INVS: variants seen among roughly 807,000 people sequenced by gnomAD.
The protein encoded by INVS is inversin, also known as inversion of embryo turning homolog.
A neutral mutation model predicts 108.8 loss-of-function variants in INVS; 86 were observed. The observed-to-expected ratio is 0.79, with a 90% CI of 0.66 to 0.95. INVS has a LOEUF of 0.95. Ranked by LOEUF, INVS falls within the 40% of genes least tolerant of loss-of-function variation. The probability of loss-of-function intolerance (pLI) is 0.00; values close to 1 mark genes in which losing one functional copy is unlikely to be tolerated. For synonymous variants in INVS, 455 were observed against 473.5 expected (o/e 0.96, Z 0.51); for missense variants, 1,169 against 1,297.4 (o/e 0.90, Z 1.52).
At chr9:100,124,359 A>G (rs1827819396) in intron 2 of INVS, among the ~76,000 whole-genome samples, 1 of 152,020 alleles carries the variant, frequency 6.6e-6, no homozygotes, top group South Asian at 2.1e-4. Context: ...TCACCTCTAC[A>G]TAAACTGAGA....
At chr9:100,268,915 A>G (rs1832868845) in intron 11 of INVS, among the ~76,000 whole-genome samples, 1 of 152,116 alleles carries the variant, frequency 6.6e-6, no homozygotes, top group Admixed American at 6.5e-5. Context: ...CTTTTGTAAT[A>G]TTTGTAGGTA....
At chr9:100,166,612 A>G (rs1318894258) in intron 3 of INVS, among the ~76,000 whole-genome samples, 3 of 152,176 alleles carry the variant, frequency 2.0e-5, no homozygotes, top group Non-Finnish European at 4.4e-5. Context: ...ACTAACACAC[A>G]CTGAGCACCT....
chr9:100,108,669 A>G (rs1313299397), intron 2 of INVS, among the ~76,000 whole-genome samples: 1 of 152,148 alleles, frequency 6.6e-6, no homozygotes. Context: ...TGCTCAGTGA[A>G]TTCATTCACT....
intron 3 of INVS, among the ~76,000 whole-genome samples, chr9:100,185,455 A>G (rs1830024907): frequency 6.7e-6 from 1 of 148,428 alleles, no homozygotes; most frequent in African/African-American, 2.5e-5. Flanking sequence ...TGAAGTTTTT[A>G]TAAATAGAAT....
At chr9:100,140,535 T>G (rs1374249606) in intron 3 of INVS, among the ~76,000 whole-genome samples, 1 of 152,192 alleles carries the variant, frequency 6.6e-6, no homozygotes, top group Admixed American at 6.5e-5. Flanking sequence ...CATCTGGATG[T>G]GTACGTGTAG....
chr9:100,100,580 A>T (rs1420981911), intron 1 of INVS, among the ~76,000 whole-genome samples: 8 of 100,356 alleles, frequency 8.0e-5, no homozygotes, highest in East Asian at 4.6e-4. Context: ...ATATATATAT[A>T]ATATATATAA....
Position 100,258,772 on chromosome 9 carries a change from T to G in INVS, c.1464+5636T>G, listed in dbSNP as rs537597289. Among the ~76,000 whole-genome samples, 3 of 152,314 alleles carry G rather than the reference T, an allele frequency of 2.0e-5. No individual in the cohort carries two copies. In the South Asian group the frequency reaches 6.2e-4, roughly 32 times the overall value. On this transcript the variant is annotated intron_variant, in intron 10 of 16. Transcript: ENST00000262457. ...GCAAATGTTGCCGCCTGATCCTTCC[T>G]CTGGAAGCTTCGTCTCAGAGGGGCA...
intron 14 of INVS, 100 bp from the exon 15 acceptor site, chr9:100,296,807 CTACCAGGAAT>C (rs1170419270): frequency 2.9e-5 from 25 of 856,662 alleles, no homozygotes; most frequent in Middle Eastern, 2.2e-4. Context: ...TTGAATGAAC[CTACCAGGAAT>C]TCAGCAAATA....
In INVS at chr9:100,209,769, CAAAAAAAA is replaced by C. The variant is rs58556710; in HGVS notation, c.274-16274_274-16267del. On this transcript the variant is annotated intron_variant, in intron 3 of 16. Transcript: ENST00000262457. ...TGGGCAACAGAACGAGACTCCGTCT[CAAAAAAAA>C]AAAAAAAAAAAAAAAAAATCCTTCA... 2.4e-4 allele frequency among the ~76,000 whole-genome samples: 17 copies of C among 72,302 alleles called. No homozygotes were observed. In the East Asian group the frequency reaches 6.1e-3, roughly 26 times the overall value. The allele number at this position is 72,302 out of a possible 152,430, so 47.4% of individuals were successfully genotyped here. A position where few individuals can be genotyped will look rare whatever the true frequency, so the allele number is the denominator to read the frequency against.
intron 10 of INVS, among the ~76,000 whole-genome samples, chr9:100,255,999 C>T (rs1003562135): frequency 7.9e-5 from 12 of 152,172 alleles, no homozygotes; most frequent in South Asian, 2.1e-4. Context: ...GTACCAGCTC[C>T]TCTTTGTACC....
At chr9:100,274,270 A>C (rs901684721) in intron 12 of INVS, among the ~76,000 whole-genome samples, 2 of 152,108 alleles carry the variant, frequency 1.3e-5, no homozygotes, top group Non-Finnish European at 2.9e-5. Flanking sequence ...AGGCAGGAGA[A>C]TTGTCTGAAC....
At chr9:100,172,635 G>A (rs888893961) in intron 3 of INVS, among the ~76,000 whole-genome samples, 6 of 152,152 alleles carry the variant, frequency 3.9e-5, no homozygotes, top group African/African-American at 1.2e-4. Context: ...AGCAGGAGGG[G>A]ACATTGAGCT....
Position 100,301,843 on chromosome 9 carries a change from A to T in INVS, c.*1169A>T, listed in dbSNP as rs139071557. On this transcript the variant is annotated 3_prime_UTR_variant, in exon 17 of 17. Coordinates refer to ENST00000262457, the MANE Select transcript of INVS (RefSeq NM_014425.5). ...ATTCATCGTTTTTGTGATCACAAAA[A>T]CACAAAGAAGGAGGTCTGCCTGGAT... Among the ~76,000 whole-genome samples, 38 of 152,284 alleles carry T rather than the reference A, an allele frequency of 2.5e-4. No homozygotes were observed. The highest frequency in any genetic ancestry group is 3.4e-3 in the Middle Eastern group (1 of 294).
chr9:100,121,086 T>C (rs1260742863), intron 2 of INVS, among the ~76,000 whole-genome samples: 1 of 152,124 alleles, frequency 6.6e-6, no homozygotes, highest in African/African-American at 2.4e-5. Flanking sequence ...AATTTTAAAA[T>C]TCATTGCAGT....
chr9:100,226,844 G>A (rs1831341884), intron 4 of INVS, among the ~76,000 whole-genome samples: 1 of 145,646 alleles, frequency 6.9e-6, no homozygotes, highest in Admixed American at 6.9e-5. Flanking sequence ...AATCAGTCCT[G>A]TCTTAACTCC....
At chr9:100,124,711 A>G (rs1247278532) in intron 2 of INVS, among the ~76,000 whole-genome samples, 2 of 152,156 alleles carry the variant, frequency 1.3e-5, no homozygotes, top group Non-Finnish European at 2.9e-5. Flanking sequence ...TTCTTGTCAT[A>G]TAATTCTAAT....
At chr9:100,126,595 C>G in intron 3 of INVS, 46 bp downstream of exon 3, 1 of 1,560,994 alleles carries the variant, frequency 6.4e-7, no homozygotes, top group Non-Finnish European at 8.8e-7. Context: ...TGTGTGATGT[C>G]TGCTAGTTGA....
chr9:100,163,268 G>A (rs959103552), intron 3 of INVS, among the ~76,000 whole-genome samples: 19 of 144,102 alleles, frequency 1.3e-4, no homozygotes, highest in Non-Finnish European at 2.1e-4. Context: ...TCACTTAGCT[G>A]TTCCAGTAAC....
chr9:100,122,649 T>G (rs1344090023), intron 2 of INVS, among the ~76,000 whole-genome samples: 3 of 136,002 alleles, frequency 2.2e-5, no homozygotes, highest in Non-Finnish European at 4.6e-5. Context: ...AGTGGCACGA[T>G]TTCGGCTTAC....
Sources: allele counts gnomAD v4.1 joint callset (sites outside exome capture counted in the v4.1 genomes callset), GRCh38; gene constraint gnomAD v4.1.1; transcripts MANE v1.5; gene names NCBI Gene and HGNC (gene_info 2026-07-23, HGNC 2026-07-21).